The following MYH15 variants were observed in gnomAD, a reference collection of about 807,000 sequenced individuals.
The protein encoded by MYH15 is myosin-15.
Under a neutral mutation model 240.5 loss-of-function variants are expected in MYH15, and 227 were observed. The ratio of observed to expected loss-of-function variants is 0.94; its 90% CI spans 0.85 to 1.05. MYH15 has a LOEUF of 1.05. MYH15 is among the 50% of genes least tolerant of loss of function. The pLI, the probability that MYH15 is intolerant of heterozygous loss-of-function variation, is 0.00. For missense variants in MYH15, 2,217 were observed against 2,247.5 expected, an observed-to-expected ratio of 0.99 and a Z score of 0.27; for synonymous variants, 785 against 796.7, an observed-to-expected ratio of 0.99 and a Z score of 0.25.
At chr3:108,419,890 A>C (rs971148809) in intron 28 of MYH15, among the ~76,000 whole-genome samples, 14 of 151,966 alleles carry the variant, frequency 9.2e-5, no homozygotes, top group Middle Eastern at 3.2e-3. Context: ...CATTGACCTA[A>C]GAATTCTATC....
At chr3:108,466,682 G>T (rs1030959804) in intron 14 of MYH15, among the ~76,000 whole-genome samples, 1 of 152,134 alleles carries the variant, frequency 6.6e-6, no homozygotes, top group Non-Finnish European at 1.5e-5. Context: ...CCTTCTGTAG[G>T]ATTCTATTGT....
intron 36 of MYH15, 21 bp from the exon 37 acceptor site, chr3:108,391,951 A>T: frequency 6.2e-7 from 1 of 1,611,588 alleles, no homozygotes; most frequent in Non-Finnish European, 8.5e-7. Context: ...AAAAAAAGGG[A>T]CTGAGCTAGT....
chr3:108,440,934 T>C (rs1439720043), intron 23 of MYH15, 84 bp downstream of exon 23: 4 of 1,528,978 alleles, frequency 2.6e-6, no homozygotes, highest in Non-Finnish European at 3.6e-6. Flanking sequence ...TTAACTTGAA[T>C]AGAGCAAGTC....
chr3:108,419,469 G>A (rs1293097056), intron 28 of MYH15, among the ~76,000 whole-genome samples: 1 of 152,120 alleles, frequency 6.6e-6, no homozygotes, highest in Non-Finnish European at 1.5e-5. Flanking sequence ...AATAACTAGG[G>A]GTAGACAGCC....
At chr3:108,535,986 G>A in the MYH15 span, among the ~76,000 whole-genome samples, 1 of 152,184 alleles carries the variant, frequency 6.6e-6, no homozygotes, top group East Asian at 1.9e-4. Flanking sequence ...TGCATGTTTA[G>A]GCAGGGCGAG....
chr3:108,532,519 T>C (rs1221260838), upstream of MYH15, among the ~76,000 whole-genome samples: 1 of 152,200 alleles, frequency 6.6e-6, no homozygotes, highest in Non-Finnish European at 1.5e-5. Flanking sequence ...ACACTGAAAC[T>C]ACACATTGGC....
chr3:108,545,688 TACACATACACAC>T, the MYH15 span, among the ~76,000 whole-genome samples: 1 of 137,726 alleles, frequency 7.3e-6, no homozygotes, highest in African/African-American at 2.6e-5. Context: ...GTTTCTAATA[TACACATACACAC>T]ACACACACAC....
At chr3:108,473,967 A>T (rs1358060853) in intron 12 of MYH15, among the ~76,000 whole-genome samples, 2 of 152,216 alleles carry the variant, frequency 1.3e-5, no homozygotes, top group East Asian at 3.8e-4. Context: ...ATCCATAAAG[A>T]ACTGTCCCAT....
At chr3:108,435,003 G>T (rs181309725) in intron 25 of MYH15, among the ~76,000 whole-genome samples, 1 of 152,254 alleles carries the variant, frequency 6.6e-6, no homozygotes, top group East Asian at 1.9e-4. Context: ...TAAATGGCCA[G>T]TAAACCAAAT....
chr3:108,383,282 T>A (rs1425804133), intron 40 of MYH15, among the ~76,000 whole-genome samples: 2 of 152,230 alleles, frequency 1.3e-5, no homozygotes, highest in African/African-American at 4.8e-5. Context: ...AAATCAACTT[T>A]GTTCCATGGA....
At chr3:108,391,481 A>T (rs2082422256) in intron 37 of MYH15, among the ~76,000 whole-genome samples, 1 of 152,138 alleles carries the variant, frequency 6.6e-6, no homozygotes, top group South Asian at 2.1e-4. Context: ...TTGGAGTGAG[A>T]GCCTGGAGCT....
chr3:108,431,747 A>G (rs1231800008), intron 25 of MYH15, among the ~76,000 whole-genome samples: 1 of 152,212 alleles, frequency 6.6e-6, no homozygotes, highest in African/African-American at 2.4e-5. Context: ...AGGGCTCAGA[A>G]GAAGAAAGGA....
At chr3:108,492,032 G>A (rs907573029) in intron 9 of MYH15, among the ~76,000 whole-genome samples, 1 of 151,980 alleles carries the variant, frequency 6.6e-6, no homozygotes, top group Non-Finnish European at 1.5e-5. Flanking sequence ...CTTGAGGCCA[G>A]GAGCTTGAGA....
intron 33 of MYH15, among the ~76,000 whole-genome samples, chr3:108,399,945 T>C (rs916865813): frequency 6.6e-6 from 1 of 152,178 alleles, no homozygotes; most frequent in Non-Finnish European, 1.5e-5. Flanking sequence ...TAGCTATGTG[T>C]TTAGGAAGGC....
At chr3:108,530,996 T>C (rs2083707145), upstream of MYH15, among the ~76,000 whole-genome samples, 2 of 152,228 alleles carry the variant, frequency 1.3e-5, no homozygotes, top group African/African-American at 2.4e-5. Context: ...TGGGGTTCAG[T>C]GAAGCACAAT....
rs981779706 is a variant in MYH15, at chr3:108,398,818, T to C, written c.4952A>G (p.Asp1651Gly). 6.2e-7 allele frequency: 1 copy of C among 1,614,076 alleles called. No individual in the cohort carries two copies. The highest frequency in any genetic ancestry group is 1.3e-5 in the African/African-American group (1 of 74,928). ...CAGATCACTGTTCAGTTGTGTGCTG[T>C]CATCCAGCTGCATTTGAAGGTCCTG... The part of the protein sequence containing the change: ...QIKDLQMQLD[D>G]STQLNSDLKE... Residue 1651 changes from aspartate (D) to glycine (G), a missense_variant, in exon 35 of 41, where the codon GAC becomes GGC. Transcript: ENST00000693548.
At chr3:108,505,653 T>C (rs1170193933) in intron 2 of MYH15, 70 bp downstream of exon 2, 4 of 832,360 alleles carry the variant, frequency 4.8e-6, no homozygotes, top group East Asian at 3.1e-5. Flanking sequence ...TAAAATATTA[T>C]AGAAATAATA....
chr3:108,537,384 A>C, the MYH15 span, among the ~76,000 whole-genome samples: 60 of 152,296 alleles, frequency 3.9e-4, no homozygotes, highest in African/African-American at 1.2e-3. Flanking sequence ...ATATGTCCCC[A>C]AAAATTCATA....
At chr3:108,443,337 C>A (rs1292462071) in intron 22 of MYH15, among the ~76,000 whole-genome samples, 2 of 152,126 alleles carry the variant, frequency 1.3e-5, no homozygotes, top group Non-Finnish European at 2.9e-5. Context: ...GTAGATAATA[C>A]AGCTCCAAAA....
Sources: gnomAD v4.1 joint callset for allele counts (sites outside exome capture counted in the v4.1 genomes callset) on GRCh38, gnomAD v4.1.1 for gene constraint, MANE v1.5 for transcripts, NCBI Gene and HGNC (gene_info 2026-07-23, HGNC 2026-07-21) for gene names.